Variants in KCNQ3 observed in about 807,000 individuals in gnomAD.
KCNQ3 encodes potassium voltage-gated channel subfamily KQT member 3.
In KCNQ3, 30 loss-of-function variants were observed where a neutral mutation model predicts 92.5. The ratio of observed to expected loss-of-function variants is 0.32; its 90% CI spans 0.24 to 0.44. The LOEUF is 0.44. KCNQ3 is among the 20% of genes least tolerant of loss of function. The pLI is 1.00. For missense variants in KCNQ3, 913 were observed against 1,140.3 expected, an observed-to-expected ratio of 0.80 and a Z score of 2.87; for synonymous variants, 450 against 468.8, an observed-to-expected ratio of 0.96 and a Z score of 0.52.
At chr8:132,361,931 G>T (rs1235365834) in intron 1 of KCNQ3, among the ~76,000 whole-genome samples, 2 of 152,054 alleles carry the variant, frequency 1.3e-5, no homozygotes, top group African/African-American at 4.8e-5. Context: ...ACATCTAGGG[G>T]AAGGAATAGT....
chr8:132,436,670 G>A (rs886750256), intron 1 of KCNQ3, among the ~76,000 whole-genome samples: 1 of 152,180 alleles, frequency 6.6e-6, no homozygotes, highest in South Asian at 2.1e-4. Context: ...TATTTCACGT[G>A]AGGTTTTGAG....
At chr8:132,349,223 G>A (rs890976317) in intron 1 of KCNQ3, among the ~76,000 whole-genome samples, 1 of 152,196 alleles carries the variant, frequency 6.6e-6, no homozygotes, top group Non-Finnish European at 1.5e-5. Context: ...GCAAGTCAAC[G>A]CCTCAGGCAG....
chr8:132,363,918 A>G (rs559397378), intron 1 of KCNQ3, among the ~76,000 whole-genome samples: 96 of 151,968 alleles, frequency 6.3e-4, no homozygotes, highest in African/African-American at 2.1e-3. Context: ...TAAAACTACA[A>G]TCTCTCAACA....
At position 132,124,279 on chromosome 8, in the gene KCNQ3, A is replaced by T. The variant is rs577916462; in HGVS notation, c.*4983T>A. On this transcript the variant is annotated 3_prime_UTR_variant, in exon 15 of 15. Transcript: ENST00000388996. ...TCCACGATTCTTTTTCTGAAAAAAAATTTTTTTGGTGTAAATTTAGAGTTT... is the reference window on the plus strand; with the variant it reads ...TCCACGATTCTTTTTCTGAAAAAAATTTTTTTTGGTGTAAATTTAGAGTTT... 1.3e-5 allele frequency: 2 copies of T among 152,196 alleles called. No homozygotes were observed. The highest frequency in any genetic ancestry group is 2.4e-5 in the African/African-American group (1 of 41,490). The allele number at this position is 152,196 out of a possible 1,614,324, so 9.4% of individuals were successfully genotyped here. A position where few individuals can be genotyped will look rare whatever the true frequency, so the allele number is the denominator to read the frequency against.
chr8:132,450,687 A>C (rs1821799344), intron 1 of KCNQ3, among the ~76,000 whole-genome samples: 1 of 152,206 alleles, frequency 6.6e-6, no homozygotes, highest in Admixed American at 6.5e-5. Flanking sequence ...AGGCAGGCCC[A>C]CCAGAGTCAG....
chr8:132,174,804 T>C (rs1213645644), intron 5 of KCNQ3, among the ~76,000 whole-genome samples: 1 of 152,240 alleles, frequency 6.6e-6, no homozygotes, highest in Non-Finnish European at 1.5e-5. Context: ...CATGTACTTA[T>C]GCATGTGTAT....
At chr8:132,340,332 T>C (rs529404124) in intron 1 of KCNQ3, among the ~76,000 whole-genome samples, 2 of 152,322 alleles carry the variant, frequency 1.3e-5, no homozygotes, top group South Asian at 4.1e-4. Context: ...TGCAGGACTA[T>C]TTACAATAGC....
chr8:132,144,348 A>G (rs982738548), intron 9 of KCNQ3, among the ~76,000 whole-genome samples: 3 of 152,162 alleles, frequency 2.0e-5, no homozygotes, highest in South Asian at 2.1e-4. Context: ...GAAATCCAAG[A>G]CCCCAAAGGA....
intron 1 of KCNQ3, among the ~76,000 whole-genome samples, chr8:132,246,233 TTTAAATAAACC>T (rs1416698525): frequency 1.3e-5 from 2 of 152,150 alleles, no homozygotes; most frequent in Non-Finnish European, 2.9e-5. Context: ...GCAAAGGGGA[TTTAAATAAACC>T]TAGGAAATAA....
At chr8:132,141,404 A>C in intron 9 of KCNQ3, 73 bp from the exon 10 acceptor site, 1 of 1,276,378 alleles carries the variant, frequency 7.8e-7, no homozygotes, top group South Asian at 1.2e-5. Flanking sequence ...CCCTCCATAA[A>C]GACTCACACA....
intron 1 of KCNQ3, among the ~76,000 whole-genome samples, chr8:132,340,195 C>T (rs901157690): frequency 2.0e-5 from 3 of 152,180 alleles, no homozygotes; most frequent in Non-Finnish European, 4.4e-5. Flanking sequence ...TTATGGAAGA[C>T]AGTATGGCGA....
intron 12 of KCNQ3, 32 bp downstream of exon 12, chr8:132,137,853 G>C (rs765797913): frequency 5.0e-6 from 8 of 1,612,820 alleles, no homozygotes; most frequent in Non-Finnish European, 5.9e-6. Context: ...GCTTTGAGGG[G>C]AGCGCAGTCC....
At chr8:132,348,732 A>G (rs1818769819) in intron 1 of KCNQ3, among the ~76,000 whole-genome samples, 1 of 152,172 alleles carries the variant, frequency 6.6e-6, no homozygotes, top group South Asian at 2.1e-4. Context: ...TCAAAAGATC[A>G]TCGTGTTCAC....
chr8:132,425,645 G>A (rs1332207975), intron 1 of KCNQ3, among the ~76,000 whole-genome samples: 1 of 152,172 alleles, frequency 6.6e-6, no homozygotes, highest in African/African-American at 2.4e-5. Flanking sequence ...TACTTGGAGT[G>A]TTATTTTACA....
intron 1 of KCNQ3, among the ~76,000 whole-genome samples, chr8:132,265,665 C>T (rs986921870): frequency 1.5e-4 from 23 of 152,158 alleles, no homozygotes; most frequent in African/African-American, 3.4e-4. Flanking sequence ...CAGTGAAACA[C>T]GTAAATTGTT....
chr8:132,335,337 C>A (rs1818340913), intron 1 of KCNQ3, among the ~76,000 whole-genome samples: 1 of 152,182 alleles, frequency 6.6e-6, no homozygotes, highest in African/African-American at 2.4e-5. Context: ...CCGCGCCCAG[C>A]CCATCTTAGA....
At chr8:132,160,229 G>A (rs1004143800) in intron 9 of KCNQ3, among the ~76,000 whole-genome samples, 2 of 152,152 alleles carry the variant, frequency 1.3e-5, no homozygotes, top group Non-Finnish European at 2.9e-5. Flanking sequence ...TGTATTAGCC[G>A]AGGTCATTCT....
At chr8:132,255,721 A>G (rs561541679) in intron 1 of KCNQ3, among the ~76,000 whole-genome samples, 110 of 152,372 alleles carry the variant, frequency 7.2e-4, no homozygotes, top group Non-Finnish European at 1.2e-3. Context: ...TATTGGTCCC[A>G]GGAATTTAAG....
intron 1 of KCNQ3, among the ~76,000 whole-genome samples, chr8:132,206,753 T>G (rs1813672044): frequency 6.6e-6 from 1 of 152,208 alleles, no homozygotes; most frequent in South Asian, 2.1e-4. Context: ...CTAGTCTGGT[T>G]ACGGTTTTTC....
Sources: allele counts gnomAD v4.1 joint callset (sites outside exome capture counted in the v4.1 genomes callset), GRCh38; gene constraint gnomAD v4.1.1; transcripts MANE v1.5; gene names NCBI Gene and HGNC (gene_info 2026-07-23, HGNC 2026-07-21).